SPAG1: variants seen among roughly 807,000 people sequenced by gnomAD.
SPAG1 encodes the protein sperm-associated antigen 1.
SPAG1 carries 69 observed loss-of-function variants against 100.5 expected under a neutral mutation model. The observed-to-expected ratio is 0.69, with a 90% CI of 0.57 to 0.84. SPAG1 has a LOEUF of 0.84. SPAG1 is among the 40% of genes least tolerant of loss of function. The pLI is 0.00. For synonymous variants in SPAG1, 336 were observed against 411.6 expected (o/e 0.82, Z 2.22); for missense variants, 955 against 1,133.1 (o/e 0.84, Z 2.26).
chr8:100,236,511 T>G (rs1819012710), intron 16 of SPAG1, among the ~76,000 whole-genome samples: 1 of 152,192 alleles, frequency 6.6e-6, no homozygotes, highest in African/African-American at 2.4e-5. Context: ...CAGGCCTGTT[T>G]GCCCAGGGTG....
rs778146484 is a variant in SPAG1, at chr8:100,225,197, G to A, written c.1713G>A (p.Leu571=). The A allele has an allele frequency of 4.5e-5, 72 of 1,613,764 alleles. No individual in the cohort carries two copies. Among genetic ancestry groups the A allele is most frequent in the Non-Finnish European group, 5.9e-5 (70 of 1,179,890 alleles). ...GGCTATCAAGAATTTTAATGGAGCT[G>A]GATGGACCAAATTGGCGGGAGAAGC... is the stretch of plus-strand genomic sequence containing the variant. The part of the protein sequence containing the change: ...VNRLSRILME[L]DGPNWREKLS... Residue 571 remains leucine, a synonymous_variant, in exon 14 of 19, where the codon CTG becomes CTA. Transcript: ENST00000388798.
intron 13 of SPAG1, among the ~76,000 whole-genome samples, chr8:100,224,888 T>C (rs939667084): frequency 1.4e-4 from 21 of 152,204 alleles, no homozygotes; most frequent in East Asian, 1.9e-4. Flanking sequence ...TATATTTAAC[T>C]TTCTCAAAAA....
At chr8:100,231,368 CAATT>C (rs1232610598) in intron 15 of SPAG1, 80 bp downstream of exon 15, 15 of 1,032,594 alleles carry the variant, frequency 1.5e-5, no homozygotes, top group Admixed American at 5.3e-5. Flanking sequence ...TTTATTAACA[CAATT>C]AAGTAATTGC....
At chr8:100,192,873 C>T (rs1349851277) in intron 9 of SPAG1, among the ~76,000 whole-genome samples, 3 of 152,142 alleles carry the variant, frequency 2.0e-5, no homozygotes, top group African/African-American at 7.2e-5. Context: ...CACAGGTGCA[C>T]GCCACCTCCC....
intron 3 of SPAG1, 51 bp downstream of exon 3, chr8:100,166,024 T>A (rs777201951): frequency 1.4e-6 from 2 of 1,463,058 alleles, no homozygotes; most frequent in Non-Finnish European, 1.9e-6. Flanking sequence ...ATTCTATATA[T>A]GTTTACTTCA....
intron 15 of SPAG1, among the ~76,000 whole-genome samples, chr8:100,231,548 A>G (rs955381643): frequency 1.3e-5 from 2 of 152,196 alleles, no homozygotes; most frequent in Non-Finnish European, 1.5e-5. Context: ...AAAAGCGACC[A>G]TGGCTGCTTT....
intron 10 of SPAG1, among the ~76,000 whole-genome samples, chr8:100,204,977 T>A (rs1298881876): frequency 6.6e-6 from 1 of 152,200 alleles, no homozygotes; most frequent in East Asian, 1.9e-4. Context: ...ATAGTCTGAC[T>A]CATGTAGAGC....
rs1815477318 is a variant in SPAG1 at position 100,164,813 on chromosome 8, G to A, written c.141-1001G>A. Among the ~76,000 whole-genome samples the A allele has an allele frequency of 2.0e-5, 3 of 152,160 alleles. No individual in the cohort carries two copies. The South Asian group carries it at 6.2e-4, about 31-fold the overall frequency. On this transcript the variant is annotated intron_variant, in intron 2 of 18. Coordinates refer to ENST00000388798, the MANE Select transcript of SPAG1 (RefSeq NM_003114.5). ...TATTTAATTAAAAATCAAACTATGA[G>A]TCTGCAAACCAGATGCTATCAAGCA...
At chr8:100,213,507 G>T in intron 11 of SPAG1, 79 bp downstream of exon 11, 1 of 1,129,880 alleles carries the variant, frequency 8.9e-7, no homozygotes, top group Non-Finnish European at 1.1e-6. Flanking sequence ...CGTGGGAGAG[G>T]CGCTGCCGCC....
intron 13 of SPAG1, among the ~76,000 whole-genome samples, chr8:100,220,841 G>A (rs1818239387): frequency 6.6e-6 from 1 of 152,176 alleles, no homozygotes; most frequent in African/African-American, 2.4e-5. Flanking sequence ...GGGAGGCCAA[G>A]GCGGGTGGAT....
At chr8:100,204,282 GC>G (rs948827832) in intron 10 of SPAG1, among the ~76,000 whole-genome samples, 1 of 152,130 alleles carries the variant, frequency 6.6e-6, no homozygotes, top group Non-Finnish European at 1.5e-5. Context: ...CCTCTGGCCA[GC>G]CCCTAGAGGT....
chr8:100,174,055 T>C (rs1815997563), intron 3 of SPAG1, among the ~76,000 whole-genome samples: 1 of 152,174 alleles, frequency 6.6e-6, no homozygotes, highest in Non-Finnish European at 1.5e-5. Flanking sequence ...CATAGGAAAC[T>C]ATGATAAATA....
intron 8 of SPAG1, among the ~76,000 whole-genome samples, chr8:100,191,084 A>G (rs1816796319): frequency 1.3e-5 from 2 of 152,226 alleles, no homozygotes; most frequent in Admixed American, 1.3e-4. Context: ...CGATATTGCA[A>G]TACAATGTGT....
intron 16 of SPAG1, among the ~76,000 whole-genome samples, chr8:100,233,961 G>A (rs965491563): frequency 3.9e-5 from 6 of 152,174 alleles, no homozygotes; most frequent in Non-Finnish European, 7.4e-5. Flanking sequence ...GAGACACATC[G>A]GAGACTTGAA....
chr8:100,225,714 A>G (rs540946136), intron 14 of SPAG1, among the ~76,000 whole-genome samples: 7 of 152,196 alleles, frequency 4.6e-5, no homozygotes, highest in Admixed American at 3.9e-4. Context: ...ACCTCAAATG[A>G]TCTGCCTGCT....
chr8:100,216,175 T>C (rs1444134391), intron 12 of SPAG1, among the ~76,000 whole-genome samples: 1 of 152,190 alleles, frequency 6.6e-6, no homozygotes, highest in African/African-American at 2.4e-5. Context: ...CTTTTACCAG[T>C]GCTCCTAACA....
At chr8:100,198,270 CAAACAATCAACAA>C (rs1817118398) in intron 10 of SPAG1, among the ~76,000 whole-genome samples, 1 of 104,726 alleles carries the variant, frequency 9.5e-6, no homozygotes, top group Admixed American at 9.7e-5. Flanking sequence ...TCCAGGAGTT[CAAACAATCAACAA>C]AATCATAAAG....
intron 8 of SPAG1, among the ~76,000 whole-genome samples, chr8:100,187,987 G>A (rs568291511): frequency 1.2e-4 from 18 of 152,174 alleles, no homozygotes; most frequent in Non-Finnish European, 1.9e-4. Context: ...CAAGTAGCTG[G>A]GACTATAGGC....
In SPAG1 at chr8:100,213,944, C is replaced by G. The variant is rs762453336; in HGVS notation, c.1535+26C>G. ...GTAAACTGCACGTTTTCAGGTTTGT[C>G]AAGAGATTGTTATAATTTCATTATG... On this transcript the variant is annotated intron_variant, in intron 12 of 18. Coordinates refer to ENST00000388798, the MANE Select transcript of SPAG1 (RefSeq NM_003114.5). 7 of 1,300,620 alleles carry G rather than the reference C, an allele frequency of 5.4e-6. No individual in the cohort carries two copies. The African/African-American group carries it at 1.0e-4, about 19-fold the overall frequency. 80.6% of individuals were successfully genotyped at this position (1,300,620 alleles called of 1,614,324 possible).
Sources: allele counts gnomAD v4.1 joint callset (sites outside exome capture counted in the v4.1 genomes callset), GRCh38; gene constraint gnomAD v4.1.1; transcripts MANE v1.5; gene names NCBI Gene and HGNC (gene_info 2026-07-23, HGNC 2026-07-21).